The following RARS1 variants were observed in gnomAD, a reference collection of about 807,000 sequenced individuals.
The protein encoded by RARS1 is arginyl-tRNA synthetase 1.
Under a neutral mutation model 78.7 loss-of-function variants are expected in RARS1, and 75 were observed. That is an observed-to-expected ratio of 0.95 (90% CI 0.79 to 1.15). RARS1 has a LOEUF of 1.15. Among genes scored for constraint, RARS1 ranks in the 50% most tolerant of loss-of-function variants. The pLI is 0.00. For missense variants in RARS1, 787 were observed against 787.5 expected, an observed-to-expected ratio of 1.00 and a Z score of 0.01; for synonymous variants, 273 against 268.2, an observed-to-expected ratio of 1.02 and a Z score of -0.18.
chr5:168,494,377 G>A (rs1338105317), intron 4 of RARS1, 173 bp from the exon 5 acceptor site: 1 of 985,310 alleles, frequency 1.0e-6, no homozygotes, highest in African/African-American at 1.7e-5. Flanking sequence ...GTGAAGGCTT[G>A]AAGTAGACGG....
chr5:168,516,184 A>G (rs1180741500), intron 12 of RARS1, among the ~76,000 whole-genome samples: 3 of 151,892 alleles, frequency 2.0e-5, no homozygotes, highest in African/African-American at 2.4e-5. Flanking sequence ...GTTGTTTCAT[A>G]TGTTTAACCC....
chr5:168,517,166 G>A (rs185128059), intron 13 of RARS1, among the ~76,000 whole-genome samples: 3 of 151,600 alleles, frequency 2.0e-5, no homozygotes, highest in Admixed American at 1.3e-4. Flanking sequence ...TTTTTGAGAC[G>A]GAGTCTCACT....
chr5:168,488,693 A>G lies in RARS1; in HGVS notation c.137A>G (p.Glu46Gly), dbSNP rs1184884015. 1 of 1,611,300 alleles carries G rather than the reference A, an allele frequency of 6.2e-7. No individual in the cohort carries two copies. Among genetic ancestry groups the G allele is most frequent in the Non-Finnish European group, 8.5e-7 (1 of 1,179,324 alleles). The part of the protein sequence containing the change: ...GASPNLEQLQ[E>G]ENLKLKYRLN... ...TCTCCAAATTTGGAGCAGTTACAAG[A>G]AGAAAATTTAAAATTAAAGTATCGA... Residue 46 changes from glutamate to glycine, a missense_variant, in exon 2 of 15, where the codon GAA (glutamate) becomes GGA (glycine). Coordinates refer to ENST00000231572, the MANE Select transcript of RARS1 (RefSeq NM_002887.4).
chr5:168,492,081 T>G (rs1362045374), intron 2 of RARS1, among the ~76,000 whole-genome samples: 1 of 151,912 alleles, frequency 6.6e-6, no homozygotes, highest in Non-Finnish European at 1.5e-5. Context: ...CAGATAGTTT[T>G]GTGAGGGTAT....
At position 168,494,513 on chromosome 5, in the gene RARS1, A is replaced by G. The variant is rs1418599015; in HGVS notation, c.479-37A>G. ...TAGGAGCGAGTGATTATTCAAGATA[A>G]GACAGTATCTGATATTTTTTCTCTT... On this transcript the variant is annotated intron_variant, in intron 4 of 14. Transcript: ENST00000231572. 3 of 1,603,924 alleles carry G rather than the reference A, an allele frequency of 1.9e-6. No individual in the cohort carries two copies. The South Asian group carries it at 3.3e-5, about 18-fold the overall frequency.
In RARS1 at chr5:168,506,055, A is replaced by G. The variant is rs2305733; in HGVS notation, c.1092A>G (p.Val364=). 0.17 allele frequency: 266,687 copies of G among 1,602,944 alleles called. 24,559 individuals are homozygous for G. The highest frequency in any genetic ancestry group is 0.19 in the Non-Finnish European group (223,237 of 1,174,438). ...AGGTGGATGATGGCAGAAAGATTGT[A>G]TTTGTCCCAGGGTGTTCCATACCAT... The part of the protein sequence containing the change: ...FVQVDDGRKI[V]FVPGCSIPLT... The change falls in exon 10 of 15, where the codon GTA becomes GTG. Residue 364 remains valine, a synonymous_variant. Transcript: ENST00000231572.
chr5:168,490,786 G>A (rs546419376), intron 2 of RARS1, among the ~76,000 whole-genome samples: 3 of 152,220 alleles, frequency 2.0e-5, no homozygotes, highest in South Asian at 2.1e-4. Flanking sequence ...AGTAGATTTC[G>A]TGTGTGTAGG....
chr5:168,504,883 A>C (rs985839144), intron 9 of RARS1, among the ~76,000 whole-genome samples: 1 of 152,094 alleles, frequency 6.6e-6, no homozygotes, highest in Non-Finnish European at 1.5e-5. Flanking sequence ...GCTTCACGAG[A>C]GGCTGAGGCA....
At chr5:168,513,812 A>G (rs1175763657) in intron 12 of RARS1, among the ~76,000 whole-genome samples, 1 of 152,028 alleles carries the variant, frequency 6.6e-6, no homozygotes, top group East Asian at 1.9e-4. Flanking sequence ...CCACAATCTG[A>G]AGGTCTTTAT....
chr5:168,497,066 T>G (rs754487733), intron 6 of RARS1, 162 bp from the exon 7 acceptor site: 5 of 506,814 alleles, frequency 9.9e-6, no homozygotes, highest in Non-Finnish European at 1.6e-5. Context: ...CTTGTGGAGT[T>G]TGCAGACCAG....
At chr5:168,500,916 T>C (rs1405609842) in intron 8 of RARS1, among the ~76,000 whole-genome samples, 196 bp downstream of exon 8, 1 of 152,076 alleles carries the variant, frequency 6.6e-6, no homozygotes, top group African/African-American at 2.4e-5. Flanking sequence ...ATCTTAACTT[T>C]CTTAGAAGTC....
intron 9 of RARS1, among the ~76,000 whole-genome samples, chr5:168,502,734 G>A (rs928673348): frequency 4.0e-5 from 6 of 151,250 alleles, no homozygotes; most frequent in African/African-American, 9.7e-5. Context: ...ACCACACCCA[G>A]CTAATTTTTG....
chr5:168,518,286 G>T (rs1488625877), intron 14 of RARS1, among the ~76,000 whole-genome samples: 1 of 151,290 alleles, frequency 6.6e-6, no homozygotes, highest in African/African-American at 2.4e-5. Context: ...TTAGGGATGG[G>T]GTGCCATTAA....
chr5:168,505,546 G>C (rs1221596250), intron 9 of RARS1, among the ~76,000 whole-genome samples: 7 of 151,996 alleles, frequency 4.6e-5, no homozygotes, highest in African/African-American at 9.7e-5. Flanking sequence ...AGATTTTCAT[G>C]TTCTGGTCCT....
intron 11 of RARS1, among the ~76,000 whole-genome samples, chr5:168,509,450 C>T (rs1032122472): frequency 9.5e-5 from 13 of 136,354 alleles, no homozygotes; most frequent in Non-Finnish European, 2.0e-4. Context: ...CCCCCCCCCC[C>T]CACCAAAAAA....
Position 168,506,181 on chromosome 5 carries a change from T to A in RARS1, c.1218T>A (p.Tyr406Ter). ...AGGAAAAAGCAGATATGATTATCTATGTTGTGGACAATGGACAAGTGAGTT... is the reference window on the plus strand; with the variant it reads ...AGGAAAAAGCAGATATGATTATCTAAGTTGTGGACAATGGACAAGTGAGTT... The part of the protein sequence containing the change: ...LFEEKADMII[Y>*]VVDNGQSVHF... The change falls in exon 10 of 15, where the codon TAT becomes TAA. Residue 406 changes from tyrosine (Y) to a stop codon, truncating the protein, a stop_gained. Transcript: ENST00000231572. LOFTEE classifies it high-confidence loss of function. The A allele has an allele frequency of 1.9e-6, 3 of 1,573,548 alleles. No homozygotes were observed. Among genetic ancestry groups the A allele is most frequent in the Non-Finnish European group, 2.6e-6 (3 of 1,159,754 alleles).
intron 2 of RARS1, among the ~76,000 whole-genome samples, chr5:168,489,748 T>C (rs1758043187): frequency 6.6e-6 from 1 of 152,134 alleles, no homozygotes; most frequent in African/African-American, 2.4e-5. Context: ...TTCCCAAAGC[T>C]GATTGATCCA....
rs368204419 is a variant in RARS1 at position 168,510,657 on chromosome 5, G to A, written c.1423G>A (p.Asp475Asn). The A allele has an allele frequency of 1.1e-5, 17 of 1,610,308 alleles. No homozygotes were observed. The highest frequency in any genetic ancestry group is 2.2e-5 in the South Asian group (2 of 90,064). ...GGGAGAAGGACTAAAACGATCCATGGACAAGTTGAAGGAAAAAGAAAGAGA... is the reference window on the plus strand; with the variant it reads ...GGGAGAAGGACTAAAACGATCCATGAACAAGTTGAAGGAAAAAGAAAGAGA... ...LLGEGLKRSM[D>N]KLKEKERDKV... The change falls in exon 12 of 15, where the codon GAC (aspartate) becomes AAC (asparagine). Residue 475 changes from aspartate to asparagine, a missense_variant. Asp to Asn is a conservative substitution (Grantham distance 23, BLOSUM62 1). Coordinates refer to ENST00000231572, the MANE Select transcript of RARS1 (RefSeq NM_002887.4).
At chr5:168,513,144 C>G (rs1377272566) in intron 12 of RARS1, among the ~76,000 whole-genome samples, 2 of 151,098 alleles carry the variant, frequency 1.3e-5, no homozygotes, top group South Asian at 2.1e-4. Flanking sequence ...CTCCCATGTT[C>G]ACGCCATTCT....
Sources: gnomAD v4.1 joint callset for allele counts (sites outside exome capture counted in the v4.1 genomes callset) on GRCh38, gnomAD v4.1.1 for gene constraint, MANE v1.5 for transcripts, NCBI Gene and HGNC (gene_info 2026-07-23, HGNC 2026-07-21) for gene names.